PPP2R2A: variants seen among roughly 807,000 people sequenced by gnomAD.
PPP2R2A encodes the protein serine/threonine-protein phosphatase 2A 55 kDa regulatory subunit B alpha isoform.
Under a neutral mutation model 53.2 loss-of-function variants are expected in PPP2R2A, and 9 were observed. That is an observed-to-expected ratio of 0.17 (90% confidence interval 0.10 to 0.30). The LOEUF is 0.30. Among genes scored for constraint, PPP2R2A ranks in the 10% least tolerant of loss-of-function variants. PPP2R2A has a pLI of 1.00. For synonymous variants in PPP2R2A, 169 were observed against 174.2 expected (o/e 0.97, Z 0.23); for missense variants, 235 against 534.6 (o/e 0.44, Z 5.53).
Position 26,362,784 on chromosome 8 carries a change from C to T in PPP2R2A, c.738C>T (p.Ser246=). Residue 246 remains serine (S), a synonymous_variant, in exon 7 of 10, where the codon AGC becomes AGT. Coordinates refer to ENST00000380737, the MANE Select transcript of PPP2R2A (RefSeq NM_002717.4). This position sits in a 1 kb window ranked among gnomAD's most constrained non-coding sequence, Gnocchi z 4.4. ...PNSCNTFVYS[S]SKGTIRLCDM... ...GCTGTAACACATTTGTATACAGCAG[C>T]AGTAAAGGAACTATTCGGCTATGTG... 6.2e-7 allele frequency: 1 copy of T among 1,613,952 alleles called. No homozygotes were observed. The highest frequency in any genetic ancestry group is 8.5e-7 in the Non-Finnish European group (1 of 1,179,846).
At chr8:26,335,867 A>G (rs1228870041) in intron 2 of PPP2R2A, among the ~76,000 whole-genome samples, 1 of 152,190 alleles carries the variant, frequency 6.6e-6, no homozygotes, top group African/African-American at 2.4e-5. Flanking sequence ...ACACATAACC[A>G]CATCACTGTA....
At chr8:26,313,937 C>T (rs933975879) in intron 2 of PPP2R2A, among the ~76,000 whole-genome samples, 4 of 152,184 alleles carry the variant, frequency 2.6e-5, no homozygotes, top group African/African-American at 9.7e-5. Context: ...TTTGTTACAG[C>T]AGCCATAGGA....
chr8:26,364,654 CAT>C (rs2117418785), intron 8 of PPP2R2A, among the ~76,000 whole-genome samples: 1 of 152,334 alleles, frequency 6.6e-6, no homozygotes, highest in South Asian at 2.1e-4. Context: ...CTCTGACAAA[CAT>C]AAACGAAGAT....
intron 2 of PPP2R2A, chr8:26,298,653 T>A (rs1040092445): frequency 6.6e-6 from 1 of 152,214 alleles, no homozygotes; most frequent in Non-Finnish European, 1.5e-5. Flanking sequence ...ATTTGGTTTT[T>A]TAAAAAACGT....
intron 2 of PPP2R2A, among the ~76,000 whole-genome samples, chr8:26,331,764 T>C (rs186026969): frequency 3.4e-4 from 52 of 152,352 alleles, no homozygotes; most frequent in African/African-American, 1.2e-3. Context: ...GAATACAGAA[T>C]TTTAAGAAAT....
chr8:26,345,321 C>T (rs954200963), intron 3 of PPP2R2A, among the ~76,000 whole-genome samples: 5 of 152,134 alleles, frequency 3.3e-5, no homozygotes, highest in East Asian at 3.8e-4. Flanking sequence ...ACATATAAAA[C>T]ATTTCATTGT....
rs1189966402 is a variant in PPP2R2A, at chr8:26,291,555, TGCCGCCGCCGCCGTCGCTGTCGTA to T, written c.-263_-240del. 5 of 501,974 alleles carry T rather than the reference TGCCGCCGCCGCCGTCGCTGTCGTA, an allele frequency of 1.0e-5. No homozygotes were observed. The highest frequency in any genetic ancestry group is 6.2e-5 in the African/African-American group (3 of 48,364). 31.1% of individuals were successfully genotyped at this position (501,974 alleles called of 1,614,324 possible). A position where few individuals can be genotyped will look rare whatever the true frequency, so the allele number is the denominator to read the frequency against. On this transcript the variant is annotated 5_prime_UTR_variant, in exon 1 of 10. Coordinates refer to ENST00000380737, the MANE Select transcript of PPP2R2A (RefSeq NM_002717.4). ...AAGTGGAGTCGCCTGCCCCTGCCGC[TGCCGCCGCCGCCGTCGCTGTCGTA>T]GTCGCCGCCGCCGCTGCCGGAGAAA...
At chr8:26,366,510 T>C (rs539918080) in intron 9 of PPP2R2A, 104 bp downstream of exon 9, 3 of 813,826 alleles carry the variant, frequency 3.7e-6, no homozygotes, top group South Asian at 2.1e-5. Context: ...GAAATAAATT[T>C]AGTAATTTTA....
At chr8:26,347,520 C>G (rs1489510037) in intron 3 of PPP2R2A, among the ~76,000 whole-genome samples, 2 of 151,468 alleles carry the variant, frequency 1.3e-5, no homozygotes, top group African/African-American at 2.4e-5. Flanking sequence ...TAGTTTAGAA[C>G]AGATATTCTA....
Position 26,299,252 on chromosome 8 carries a change from ACT to A in PPP2R2A, c.82+5515_82+5516del, listed in dbSNP as rs565150139. Among the ~76,000 whole-genome samples, 32 of 124,222 alleles carry A rather than the reference ACT, an allele frequency of 2.6e-4. 1 individual carries two copies. In the South Asian group the frequency reaches 7.5e-3, roughly 29 times the overall value. The allele number at this position is 124,222 out of a possible 152,430, so 81.5% of individuals were successfully genotyped here. ...TCTCCAGCCTGGACAATAGAGTAAG[ACT>A]CTGTTTCAAAAAAAAAAAAGGAACA... On this transcript the variant is annotated intron_variant, in intron 2 of 9. Coordinates refer to ENST00000380737, the MANE Select transcript of PPP2R2A (RefSeq NM_002717.4).
chr8:26,335,101 C>A (rs1379345680), intron 2 of PPP2R2A, among the ~76,000 whole-genome samples: 2 of 152,174 alleles, frequency 1.3e-5, no homozygotes, highest in Non-Finnish European at 2.9e-5. Flanking sequence ...AGACCATACC[C>A]CATTCTTGGC....
chr8:26,345,040 A>G (rs1263517461), intron 3 of PPP2R2A, among the ~76,000 whole-genome samples: 1 of 152,224 alleles, frequency 6.6e-6, no homozygotes, highest in African/African-American at 2.4e-5. Flanking sequence ...TGTGCATGAA[A>G]CACAGTTTTG....
Position 26,359,356 on chromosome 8 carries a change from A to G in PPP2R2A, c.347-813A>G, listed in dbSNP as rs188243142. 9.6e-4 allele frequency among the ~76,000 whole-genome samples: 146 copies of G among 152,334 alleles called. 1 individual carries two copies. The highest frequency in any genetic ancestry group is 9.1e-3 in the Admixed American group (139 of 15,306). The stretch of plus-strand genomic sequence containing the variant: ...AATCTCCAAATGCAGTCTGTAGTTA[A>G]TAGTAATATACAAAGTCGACGTCTT... On this transcript the variant is annotated intron_variant, in intron 4 of 9. Coordinates refer to ENST00000380737, the MANE Select transcript of PPP2R2A (RefSeq NM_002717.4).
intron 2 of PPP2R2A, among the ~76,000 whole-genome samples, chr8:26,318,828 G>A (rs1383654319): frequency 6.6e-6 from 1 of 152,116 alleles, no homozygotes; most frequent in Non-Finnish European, 1.5e-5. Context: ...CATGCCTTGG[G>A]ACTTTTTATG....
chr8:26,368,517 A>C (rs1805498132), intron 9 of PPP2R2A, among the ~76,000 whole-genome samples: 1 of 152,086 alleles, frequency 6.6e-6, no homozygotes, highest in African/African-American at 2.4e-5. Flanking sequence ...AAATTTTGCC[A>C]CCCCTTTAAA....
chr8:26,293,059 A>C, intron 1 of PPP2R2A: 1 of 473,594 alleles, frequency 2.1e-6, no homozygotes, highest in Non-Finnish European at 3.7e-6. Flanking sequence ...TCAAGGGATG[A>C]GGTGAAGGGA....
intron 3 of PPP2R2A, among the ~76,000 whole-genome samples, chr8:26,352,907 C>G (rs1266638858): frequency 6.6e-6 from 1 of 152,200 alleles, no homozygotes; most frequent in Non-Finnish European, 1.5e-5. Context: ...ACACAAGTTA[C>G]TTGAATGTGG....
chr8:26,298,876 T>G lies in PPP2R2A; in HGVS notation c.82+5136T>G, dbSNP rs1422133717. On this transcript the variant is annotated intron_variant, in intron 2 of 9. Transcript: ENST00000380737. The stretch of plus-strand genomic sequence containing the variant: ...TTTCTTAAAGTCGAACAGTAAGAAA[T>G]TTTTTCTAATGATTTTGATAATGTG... Among the ~76,000 whole-genome samples the G allele has an allele frequency of 2.6e-5, 4 of 152,216 alleles. No homozygotes were observed. In the South Asian group the frequency reaches 8.3e-4, roughly 31 times the overall value.
Position 26,366,414 on chromosome 8 carries a change from A to G in PPP2R2A, c.1064+8A>G. 6.5e-7 allele frequency: 1 copy of G among 1,545,618 alleles called. No homozygotes were observed. Among genetic ancestry groups the G allele is most frequent in the Non-Finnish European group, 8.7e-7 (1 of 1,143,396 alleles). On this transcript the variant is annotated splice_region_variant and intron_variant, in intron 9 of 9. Coordinates refer to ENST00000380737, the MANE Select transcript of PPP2R2A (RefSeq NM_002717.4). ...TTGGAATGGATCTGACAGGTAATTA[A>G]GTCAAACCTCTCAAATATGAATTTT...
Sources: allele counts gnomAD v4.1 joint callset (sites outside exome capture counted in the v4.1 genomes callset), GRCh38; gene constraint gnomAD v4.1.1; non-coding constraint Gnocchi (gnomAD v3.1); transcripts MANE v1.5; gene names NCBI Gene and HGNC (gene_info 2026-07-23, HGNC 2026-07-21).